CACNA2D3: variants seen among roughly 807,000 people sequenced by gnomAD.
The protein encoded by CACNA2D3 is calcium voltage-gated channel auxiliary subunit alpha2delta 3, also known as voltage-dependent calcium channel subunit alpha-2/delta-3.
A neutral mutation model predicts 160.6 loss-of-function variants in CACNA2D3; 60 were observed. That is an observed-to-expected ratio of 0.37 (90% confidence interval 0.30 to 0.46). The LOEUF is 0.46. CACNA2D3 is among the 20% of genes least tolerant of loss of function. The pLI, the probability that CACNA2D3 is intolerant of heterozygous loss-of-function variation, is 1.00. For synonymous variants in CACNA2D3, 558 were observed against 492.9 expected (o/e 1.13, Z -1.75); for missense variants, 1,205 against 1,365.0 (o/e 0.88, Z 1.85).
At chr3:54,971,020 G>A (rs905837705) in intron 29 of CACNA2D3, among the ~76,000 whole-genome samples, 13 of 152,086 alleles carry the variant, frequency 8.5e-5, no homozygotes, top group Admixed American at 5.9e-4. Context: ...AAATATAAAA[G>A]GAAGTCCAGG....
intron 10 of CACNA2D3, among the ~76,000 whole-genome samples, chr3:54,640,900 T>G (rs1256605283): frequency 6.6e-6 from 1 of 152,166 alleles, no homozygotes; most frequent in Non-Finnish European, 1.5e-5. Context: ...CCTAAAACAT[T>G]TCTGTGCCAA....
chr3:54,570,793 T>A (rs1370891851), intron 8 of CACNA2D3, among the ~76,000 whole-genome samples: 1 of 152,126 alleles, frequency 6.6e-6, no homozygotes. Flanking sequence ...GAACCAAGCC[T>A]GAGACCGGGC....
intron 29 of CACNA2D3, among the ~76,000 whole-genome samples, chr3:54,977,950 G>C (rs1490752098): frequency 6.6e-6 from 1 of 152,086 alleles, no homozygotes; most frequent in African/African-American, 2.4e-5. Flanking sequence ...CTAAACAATG[G>C]GTGGATTATT....
intron 4 of CACNA2D3, among the ~76,000 whole-genome samples, chr3:54,421,071 A>G (rs560209306): frequency 2.0e-5 from 3 of 152,296 alleles, no homozygotes; most frequent in African/African-American, 7.2e-5. Flanking sequence ...GTCACCCTCT[A>G]CAATATCCAT....
rs146935639 is a variant in CACNA2D3 at position 54,707,157 on chromosome 3, C to T, written c.1168-45442C>T. On this transcript the variant is annotated intron_variant, in intron 11 of 37. Coordinates refer to ENST00000474759, the MANE Select transcript of CACNA2D3 (RefSeq NM_018398.3). ...GTCATTAGAGCATTTCCATGAAGGC[C>T]GAACAATTCATTAGGGTGAGTCCAG... Among the ~76,000 whole-genome samples, 1,052 of 152,242 alleles carry T rather than the reference C, an allele frequency of 6.9e-3. 8 individuals carry two copies. Among genetic ancestry groups the T allele is most frequent in the Middle Eastern group, 0.014 (4 of 294 alleles).
At chr3:54,729,642 G>A (rs971860386) in intron 11 of CACNA2D3, among the ~76,000 whole-genome samples, 1 of 152,098 alleles carries the variant, frequency 6.6e-6, no homozygotes, top group African/African-American at 2.4e-5. Context: ...TCTGTTCGGT[G>A]GGTCTTCCCA....
chr3:55,030,221 T>C (rs1330294856), intron 35 of CACNA2D3, among the ~76,000 whole-genome samples: 1 of 152,178 alleles, frequency 6.6e-6, no homozygotes, highest in African/African-American at 2.4e-5. Context: ...AGCCACATCC[T>C]CCCTGTATTG....
At chr3:54,586,987 C>T (rs1575362797) in intron 9 of CACNA2D3, among the ~76,000 whole-genome samples, 1 of 151,814 alleles carries the variant, frequency 6.6e-6, no homozygotes, top group Admixed American at 6.6e-5. Flanking sequence ...ACAAAGATTA[C>T]ATATCACAAG....
intron 4 of CACNA2D3, among the ~76,000 whole-genome samples, chr3:54,446,392 A>C (rs570671898): frequency 2.4e-4 from 36 of 152,274 alleles, no homozygotes; most frequent in African/African-American, 8.2e-4. Flanking sequence ...ATTTGCTTAG[A>C]TAAGGACCCA....
intron 35 of CACNA2D3, among the ~76,000 whole-genome samples, chr3:55,031,547 G>C (rs951429514): frequency 6.6e-6 from 1 of 152,100 alleles, no homozygotes; most frequent in Non-Finnish European, 1.5e-5. Flanking sequence ...AAGAAAATTC[G>C]TTTTTTAATG....
chr3:54,862,315 A>AT (rs1267288740), intron 17 of CACNA2D3, among the ~76,000 whole-genome samples: 1 of 151,806 alleles, frequency 6.6e-6, no homozygotes, highest in Non-Finnish European at 1.5e-5. Context: ...ATCTTCAACA[A>AT]TTTTTAGCAG....
chr3:54,743,609 C>T (rs936295834), intron 11 of CACNA2D3, among the ~76,000 whole-genome samples: 1 of 152,132 alleles, frequency 6.6e-6, no homozygotes, highest in African/African-American at 2.4e-5. Context: ...TAATTTATTC[C>T]CCTTTGACAT....
intron 25 of CACNA2D3, among the ~76,000 whole-genome samples, chr3:54,893,789 C>T (rs1379301324): frequency 1.3e-5 from 1 of 79,028 alleles, no homozygotes; most frequent in Non-Finnish European, 2.9e-5. Context: ...AGTTATAATA[C>T]ATTCTGTGCC....
At chr3:54,210,688 C>T (rs955750411) in intron 2 of CACNA2D3, among the ~76,000 whole-genome samples, 4 of 152,030 alleles carry the variant, frequency 2.6e-5, no homozygotes, top group Non-Finnish European at 5.9e-5. Context: ...TACACAAGCG[C>T]CTGGGAGAGT....
intron 11 of CACNA2D3, among the ~76,000 whole-genome samples, chr3:54,717,615 G>T (rs1272397390): frequency 6.9e-6 from 1 of 144,180 alleles, no homozygotes; most frequent in African/African-American, 2.6e-5. Flanking sequence ...TGTGTGGTGT[G>T]TGTAGTGTGC....
At chr3:54,694,171 C>T (rs9845982) in intron 11 of CACNA2D3, among the ~76,000 whole-genome samples, 10,483 of 152,146 alleles carry the variant, frequency 0.069, 1,169 homozygotes, top group African/African-American at 0.24. Context: ...CCATACTTTC[C>T]GATATCTTTT....
rs147914329 is a variant in CACNA2D3 at position 54,889,747 on chromosome 3, G to T, written c.2151-1608G>T. On this transcript the variant is annotated intron_variant, in intron 24 of 37. Coordinates refer to ENST00000474759, the MANE Select transcript of CACNA2D3 (RefSeq NM_018398.3). ...TATTAGGGGTGTCTTTGAACTGCTTGCCTTCATGGCATGGATCTTATTTCC... is the reference window on the plus strand; with the variant it reads ...TATTAGGGGTGTCTTTGAACTGCTTTCCTTCATGGCATGGATCTTATTTCC... Among the ~76,000 whole-genome samples, 584 of 152,298 alleles carry T rather than the reference G, an allele frequency of 3.8e-3. 3 individuals carry two copies. Among genetic ancestry groups the T allele is most frequent in the Non-Finnish European group, 5.0e-3 (340 of 68,028 alleles).
At position 54,613,257 on chromosome 3, in the gene CACNA2D3, CA is replaced by C. The variant is rs1698781702; in HGVS notation, c.964-14528del. ...TTAACAAGGTATATCTTTGATCTTC[CA>C]ACAGTGAATTCAAAAAAGAAAAAAG... On this transcript the variant is annotated intron_variant, in intron 9 of 37. Coordinates refer to ENST00000474759, the MANE Select transcript of CACNA2D3 (RefSeq NM_018398.3). Among the ~76,000 whole-genome samples, 6 of 152,110 alleles carry C rather than the reference CA, an allele frequency of 3.9e-5. No individual in the cohort carries two copies. In the South Asian group the frequency reaches 1.2e-3, roughly 32 times the overall value.
At chr3:54,387,262 T>G (rs1381135314) in intron 4 of CACNA2D3, among the ~76,000 whole-genome samples, 1 of 152,248 alleles carries the variant, frequency 6.6e-6, no homozygotes, top group Non-Finnish European at 1.5e-5. Flanking sequence ...GTAGATCTTG[T>G]ACCTGATCCT....
Sources: allele counts gnomAD v4.1 joint callset (sites outside exome capture counted in the v4.1 genomes callset), GRCh38; gene constraint gnomAD v4.1.1; transcripts MANE v1.5; gene names NCBI Gene and HGNC (gene_info 2026-07-23, HGNC 2026-07-21).